Variants in CCT7 observed in about 807,000 individuals in gnomAD.
The protein encoded by CCT7 is T-complex protein 1 subunit eta.
Under a neutral mutation model 56.6 loss-of-function variants are expected in CCT7, and 16 were observed. That is an observed-to-expected ratio of 0.28 (90% confidence interval 0.19 to 0.43). The LOEUF (loss-of-function observed/expected upper bound fraction) is 0.43. Among genes scored for constraint, CCT7 ranks in the 20% least tolerant of loss-of-function variants. CCT7 has a pLI of 1.00. For synonymous variants in CCT7, 262 were observed against 254.8 expected (o/e 1.03, Z -0.27); for missense variants, 519 against 685.6 (o/e 0.76, Z 2.71).
intron 1 of CCT7, chr2:73,239,016 A>G (rs1399559285): frequency 6.6e-6 from 1 of 152,292 alleles, no homozygotes; most frequent in Non-Finnish European, 1.5e-5. Flanking sequence ...TTCAGCCAGC[A>G]TGAGAGATGG....
chr2:73,252,013 A>C (rs1044893497), intron 11 of CCT7, among the ~76,000 whole-genome samples: 2 of 147,942 alleles, frequency 1.4e-5, no homozygotes, highest in African/African-American at 5.0e-5. Context: ...CTGGAAGCAC[A>C]TACTGACCAC....
At chr2:73,245,091 C>T (rs1247300203) in intron 6 of CCT7, among the ~76,000 whole-genome samples, 1 of 152,174 alleles carries the variant, frequency 6.6e-6, no homozygotes, top group Admixed American at 6.5e-5. Flanking sequence ...GCTTGCCCTT[C>T]TTTCATTCAT....
rs556146723 is a variant in CCT7, at chr2:73,249,986, G to A, written c.1070+70G>A. ...GGTCTTCTGCCATCTTTTGGCTGTG[G>A]TATACAGCTTTTACAAAGTCTCACC... On this transcript the variant is annotated intron_variant, in intron 9 of 11. Coordinates refer to ENST00000258091, the MANE Select transcript of CCT7 (RefSeq NM_006429.4). 85 of 1,064,222 alleles carry A rather than the reference G, an allele frequency of 8.0e-5. 1 individual carries two copies. In the South Asian group the frequency reaches 1.0e-3, roughly 13 times the overall value. 65.9% of individuals were successfully genotyped at this position (1,064,222 alleles called of 1,614,324 possible). A position where few individuals can be genotyped will look rare whatever the true frequency, so the allele number is the denominator to read the frequency against.
intron 2 of CCT7, 158 bp downstream of exon 2, chr2:73,239,954 T>G: frequency 1.5e-6 from 1 of 666,874 alleles, no homozygotes; most frequent in Non-Finnish European, 2.5e-6. Context: ...TTGTCCTGAC[T>G]GCTGAGCCCG....
chr2:73,251,166 C>A, intron 10 of CCT7, 60 bp from the exon 11 acceptor site: 1 of 1,516,538 alleles, frequency 6.6e-7, no homozygotes, highest in Non-Finnish European at 9.2e-7. Context: ...ACTGAGTGGC[C>A]CAGCATGGAA....
intron 3 of CCT7, 29 bp from the exon 4 acceptor site, chr2:73,242,975 A>G (rs779479632): frequency 1.2e-6 from 2 of 1,613,032 alleles, no homozygotes; most frequent in East Asian, 2.2e-5. Context: ...AACATCAGAA[A>G]ACGTGTATTT....
At chr2:73,245,613 C>T (rs1267580323) in intron 6 of CCT7, among the ~76,000 whole-genome samples, 1 of 152,218 alleles carries the variant, frequency 6.6e-6, no homozygotes, top group Non-Finnish European at 1.5e-5. Flanking sequence ...TATCTCCATG[C>T]TGCTTTTGGC....
chr2:73,246,487 C>T (rs1241897710), intron 6 of CCT7, among the ~76,000 whole-genome samples: 1 of 152,234 alleles, frequency 6.6e-6, no homozygotes, highest in Non-Finnish European at 1.5e-5. Context: ...TGCCACCCCT[C>T]TTCCAGTCTT....
intron 6 of CCT7, among the ~76,000 whole-genome samples, chr2:73,246,367 A>T (rs2103793183): frequency 6.6e-6 from 1 of 152,350 alleles, no homozygotes; most frequent in African/African-American, 2.4e-5. Context: ...ATCTGGGATC[A>T]TCCTTGAAAA....
At chr2:73,252,158 C>T (rs963637533) in intron 11 of CCT7, among the ~76,000 whole-genome samples, 5 of 151,930 alleles carry the variant, frequency 3.3e-5, no homozygotes, top group African/African-American at 1.2e-4. Context: ...GTGCTTAGCA[C>T]CCAGTGAATG....
chr2:73,244,411 A>G (rs981520526), intron 5 of CCT7, 133 bp from the exon 6 acceptor site: 3 of 736,590 alleles, frequency 4.1e-6, no homozygotes, highest in East Asian at 5.4e-5. Flanking sequence ...AATCTGCCCT[A>G]AAGATACAAA....
Position 73,247,847 on chromosome 2 carries a change from C to A in CCT7, c.704C>A (p.Pro235His), listed in dbSNP as rs1220977539. The A allele has an allele frequency of 6.2e-7, 1 of 1,614,134 alleles. No homozygotes were observed. Among genetic ancestry groups the A allele is most frequent in the Non-Finnish European group, 8.5e-7 (1 of 1,180,018 alleles). The change falls in exon 7 of 12, where the codon CCC (proline) becomes CAC (histidine). Residue 235 changes from proline to histidine, a missense_variant. Physicochemically the swap from Pro to His is moderately conservative, Grantham distance 77. Coordinates refer to ENST00000258091, the MANE Select transcript of CCT7 (RefSeq NM_006429.4). ...FEMQPKKYHN[P>H]KIALLNVELE... ...ATGCAACCCAAAAAGTACCACAATC[C>A]CAAGATTGCCCTTTTGAATGTCGAG...
At position 73,249,285 on chromosome 2, in the gene CCT7, C is replaced by T. The variant is rs1427655449; in HGVS notation, c.972+106C>T. ...CTGTCAGGTTGGCGTGTGAATTGAG[C>T]CCTGTTTTTTTTTTTTAACTCTTTT... On this transcript the variant is annotated intron_variant, in intron 8 of 11. Coordinates refer to ENST00000258091, the MANE Select transcript of CCT7 (RefSeq NM_006429.4). The T allele has an allele frequency of 6.8e-6, 6 of 881,644 alleles. No individual in the cohort carries two copies. In the East Asian group the frequency reaches 1.7e-4, roughly 25 times the overall value. 54.6% of individuals were successfully genotyped at this position (881,644 alleles called of 1,614,324 possible).
chr2:73,243,186 G>A lies in CCT7; in HGVS notation c.393+57G>A, dbSNP rs1006446380. 50 of 1,584,840 alleles carry A rather than the reference G, an allele frequency of 3.2e-5. No individual in the cohort carries two copies. The African/African-American group carries it at 6.2e-4, about 20-fold the overall frequency. On this transcript the variant is annotated intron_variant, in intron 4 of 11. Transcript: ENST00000258091. ...CCTGGACACCTTCACATTTCTCTTAGGAAGGGGAATTTCTTTTCAGGAGTG... is the reference window on the plus strand; with the variant it reads ...CCTGGACACCTTCACATTTCTCTTAAGAAGGGGAATTTCTTTTCAGGAGTG...
intron 1 of CCT7, chr2:73,239,387 T>G: frequency 2.5e-6 from 1 of 397,760 alleles, no homozygotes; most frequent in Non-Finnish European, 4.6e-6. Flanking sequence ...ACTCATGATT[T>G]TTTCTTTTAG....
chr2:73,252,575 C>T, intron 11 of CCT7, 65 bp from the exon 12 acceptor site: 1 of 1,285,300 alleles, frequency 7.8e-7, no homozygotes, highest in East Asian at 2.3e-5. Flanking sequence ...TTTTGGAGTA[C>T]CAGTTTACAA....
At chr2:73,238,178 C>T in intron 1 of CCT7, among the ~76,000 whole-genome samples, 1 of 152,302 alleles carries the variant, frequency 6.6e-6, no homozygotes, top group East Asian at 1.9e-4. Flanking sequence ...AAGTGATCCT[C>T]TTTTTTCTAC....
rs1687664643 is a variant in CCT7, at chr2:73,252,946, G to A, written c.*85G>A. 2.3e-6 allele frequency: 2 copies of A among 881,532 alleles called. No homozygotes were observed. Among genetic ancestry groups the A allele is most frequent in the Non-Finnish European group, 3.5e-6 (2 of 563,698 alleles). The allele number at this position is 881,532 out of a possible 1,614,324, so 54.6% of individuals were successfully genotyped here. A position where few individuals can be genotyped will look rare whatever the true frequency, so the allele number is the denominator to read the frequency against. ...TGGTTACTTCATTTTACAAGGAAGG[G>A]GTAGTAATTGGCCCACTCTCTTCTT... On this transcript the variant is annotated 3_prime_UTR_variant, in exon 12 of 12. Coordinates refer to ENST00000258091, the MANE Select transcript of CCT7 (RefSeq NM_006429.4).
At chr2:73,249,275 G>T in intron 8 of CCT7, 96 bp downstream of exon 8, 1 of 943,040 alleles carries the variant, frequency 1.1e-6, no homozygotes, top group South Asian at 2.0e-5. Context: ...AGGTTGGCGT[G>T]TGAATTGAGC....
Sources: allele counts gnomAD v4.1 joint callset (sites outside exome capture counted in the v4.1 genomes callset), GRCh38; gene constraint gnomAD v4.1.1; transcripts MANE v1.5; gene names NCBI Gene and HGNC (gene_info 2026-07-23, HGNC 2026-07-21).